Variants in PRKAR1B observed in about 807,000 individuals in gnomAD.
The protein encoded by PRKAR1B is protein kinase cAMP-dependent type I regulatory subunit beta.
In PRKAR1B, 22 loss-of-function variants were observed where a neutral mutation model predicts 46.5. The ratio of observed to expected loss-of-function variants is 0.47; its 90% CI spans 0.34 to 0.68. PRKAR1B has a LOEUF of 0.68. Ranked by LOEUF, PRKAR1B falls within the 30% of genes least tolerant of loss-of-function variation. The pLI is 0.01. For missense variants in PRKAR1B, 445 were observed against 535.6 expected (o/e 0.83, Z 1.67); for synonymous variants, 259 against 217.7 (o/e 1.19, Z -1.67).
At chr7:653,776 G>T (rs919249329) in intron 4 of PRKAR1B, among the ~76,000 whole-genome samples, 3 of 152,076 alleles carry the variant, frequency 2.0e-5, no homozygotes, top group African/African-American at 7.2e-5. Context: ...GGCCAAATGG[G>T]TTATATACAC....
intron 1 of PRKAR1B, 185 bp downstream of exon 1, chr7:727,025 T>C: frequency 8.5e-7 from 1 of 1,183,196 alleles, no homozygotes; most frequent in Non-Finnish European, 1.0e-6. Flanking sequence ...CTGCTGGATC[T>C]GGGCCTGCGC....
At chr7:575,949 T>C (rs1415097105) in intron 9 of PRKAR1B, among the ~76,000 whole-genome samples, 1 of 151,826 alleles carries the variant, frequency 6.6e-6, no homozygotes, top group African/African-American at 2.4e-5. Flanking sequence ...AACATGACGC[T>C]GGCATCCTCT....
chr7:643,676 T>C (rs1334892072), intron 4 of PRKAR1B, among the ~76,000 whole-genome samples: 1 of 145,346 alleles, frequency 6.9e-6, no homozygotes, highest in African/African-American at 2.7e-5. Flanking sequence ...GAGCCAAGAT[T>C]GCGCCACTGC....
chr7:576,926 G>C (rs982417923), intron 9 of PRKAR1B, among the ~76,000 whole-genome samples: 1 of 151,856 alleles, frequency 6.6e-6, no homozygotes, highest in South Asian at 2.1e-4. Flanking sequence ...CCTGCTTTTC[G>C]GCCTGTGTTC....
chr7:727,428 G>A, upstream of PRKAR1B: 1 of 384,644 alleles, frequency 2.6e-6, no homozygotes, highest in Non-Finnish European at 3.6e-6. Flanking sequence ...CTCCACGCCC[G>A]CACCCCCCAA....
chr7:668,169 C>T (rs1354383898), intron 4 of PRKAR1B, among the ~76,000 whole-genome samples: 1 of 152,218 alleles, frequency 6.6e-6, no homozygotes, highest in Admixed American at 6.5e-5. Context: ...CGCACTCTTC[C>T]TAAGCGGGGA....
intron 4 of PRKAR1B, among the ~76,000 whole-genome samples, chr7:637,104 C>G (rs530238427): frequency 6.6e-6 from 1 of 151,826 alleles, no homozygotes; most frequent in South Asian, 2.1e-4. Flanking sequence ...TGGGCCACAC[C>G]GCGAAACCCC....
intron 8 of PRKAR1B, among the ~76,000 whole-genome samples, chr7:584,284 G>C (rs140811272): frequency 2.0e-5 from 3 of 152,348 alleles, no homozygotes; most frequent in Non-Finnish European, 4.4e-5. Flanking sequence ...GGGCAGCCCC[G>C]CCCACGAGAG....
chr7:571,045 G>C (rs1357266560), intron 9 of PRKAR1B, among the ~76,000 whole-genome samples: 1 of 152,238 alleles, frequency 6.6e-6, no homozygotes, highest in African/African-American at 2.4e-5. Context: ...CTGATGCCTG[G>C]GAAACATGTA....
intron 2 of PRKAR1B, among the ~76,000 whole-genome samples, chr7:690,125 C>T (rs1429295642): frequency 2.6e-5 from 4 of 151,746 alleles, no homozygotes; most frequent in Non-Finnish European, 4.4e-5. Context: ...GGTGAAACCC[C>T]GTCTCTACTA....
At chr7:559,133 A>C (rs1778630569) in intron 9 of PRKAR1B, among the ~76,000 whole-genome samples, 1 of 152,218 alleles carries the variant, frequency 6.6e-6, no homozygotes, top group Non-Finnish European at 1.5e-5. Flanking sequence ...GTGAACGAGG[A>C]GGCCACATCC....
intron 4 of PRKAR1B, among the ~76,000 whole-genome samples, chr7:645,186 A>T (rs370933256): frequency 2.0e-5 from 3 of 151,980 alleles, no homozygotes; most frequent in East Asian, 1.9e-4. Flanking sequence ...CAGCATGAGA[A>T]CCCGGCCTGC....
chr7:718,253 GATAC>G (rs1390150079), intron 1 of PRKAR1B, among the ~76,000 whole-genome samples: 4 of 90,718 alleles, frequency 4.4e-5, no homozygotes, highest in Admixed American at 2.6e-4. Flanking sequence ...AAGCTTTATA[GATAC>G]ACACACACAC....
rs66758527 is a variant in PRKAR1B at position 611,769 on chromosome 7, A to AATGGATGGATGGATGG, written c.441-4333_441-4318dup. Among the ~76,000 whole-genome samples the AATGGATGGATGGATGG allele has an allele frequency of 7.8e-3, 1,177 of 150,070 alleles. 16 individuals carry two copies. Among genetic ancestry groups the AATGGATGGATGGATGG allele is most frequent in the African/African-American group, 0.027 (1,104 of 40,874 alleles). ...GTACAGGTGGGTGAGTAGACGAATG[A>AATGGATGGATGGATGG]ATGGATGGATGGATGGATGGATGGA... On this transcript the variant is annotated intron_variant, in intron 4 of 10. Transcript: ENST00000537384.
At chr7:551,789 C>A (rs1480028324) in intron 9 of PRKAR1B, among the ~76,000 whole-genome samples, 3 of 141,454 alleles carry the variant, frequency 2.1e-5, no homozygotes, top group Non-Finnish European at 4.6e-5. Flanking sequence ...GGAGCCACTG[C>A]CATCACCATG....
chr7:648,068 G>T (rs1218188542), intron 4 of PRKAR1B, among the ~76,000 whole-genome samples: 1 of 150,636 alleles, frequency 6.6e-6, no homozygotes. Flanking sequence ...ATTGCTTGAG[G>T]CTGGGAGGTT....
intron 6 of PRKAR1B, among the ~76,000 whole-genome samples, chr7:597,736 T>C (rs1197035241): frequency 1.3e-5 from 2 of 152,156 alleles, no homozygotes; most frequent in African/African-American, 4.8e-5. Context: ...GGGAAGGGCC[T>C]GCGATGGCCG....
At chr7:568,328 C>T (rs932719073) in intron 9 of PRKAR1B, among the ~76,000 whole-genome samples, 1 of 152,236 alleles carries the variant, frequency 6.6e-6, no homozygotes, top group African/African-American at 2.4e-5. Context: ...TCACCAAGTT[C>T]CTCCGGCAGC....
intron 4 of PRKAR1B, among the ~76,000 whole-genome samples, chr7:657,866 TCA>T (rs1477305145): frequency 6.6e-6 from 1 of 152,154 alleles, no homozygotes; most frequent in African/African-American, 2.4e-5. Context: ...TCATTTCTTC[TCA>T]CAGCCTCCAC....
Sources: gnomAD v4.1 joint callset for allele counts (sites outside exome capture counted in the v4.1 genomes callset) on GRCh38, gnomAD v4.1.1 for gene constraint, MANE v1.5 for transcripts, NCBI Gene and HGNC (gene_info 2026-07-23, HGNC 2026-07-21) for gene names.